The following B3GNT9 variants were observed in gnomAD, a reference collection of about 807,000 sequenced individuals.
The protein encoded by B3GNT9 is BGnT-9.
For missense variants in B3GNT9, 669 were observed against 599.2 expected (o/e 1.12, Z -1.22); for synonymous variants, 359 against 283.9 (o/e 1.26, Z -2.66).
In B3GNT9 at chr16:67,149,068, A is replaced by T; in HGVS notation, c.*209T>A. On this transcript the variant is annotated 3_prime_UTR_variant, in exon 2 of 2. Coordinates refer to ENST00000449549, the MANE Select transcript of B3GNT9 (RefSeq NM_033309.3). Reference sequence around the variant, plus strand: ...GACAAGAGATGGTCATCTACCACCCAGCCTTGGCTCGCTCAAAGGGTCACC... The same window carrying T: ...GACAAGAGATGGTCATCTACCACCCTGCCTTGGCTCGCTCAAAGGGTCACC... The T allele has an allele frequency of 9.3e-7, 1 of 1,069,614 alleles. No individual in the cohort carries two copies. Among genetic ancestry groups the T allele is most frequent in the South Asian group, 2.5e-5 (1 of 40,784 alleles). The allele number at this position is 1,069,614 out of a possible 1,614,324, so 66.3% of individuals were successfully genotyped here.
At chr16:67,150,757 G>C (rs1451726771) in intron 1 of B3GNT9, 86 bp from the exon 2 acceptor site, 1 of 347,860 alleles carries the variant, frequency 2.9e-6, no homozygotes, top group African/African-American at 2.1e-5. Context: ...GCCGGGCAGG[G>C]AGACTGGGAG....
Position 67,150,180 on chromosome 16 carries a change from C to G in B3GNT9, c.306G>C (p.Gln102His). 1 of 1,556,970 alleles carries G rather than the reference C, an allele frequency of 6.4e-7. No individual in the cohort carries two copies. The highest frequency in any genetic ancestry group is 8.7e-7 in the Non-Finnish European group (1 of 1,155,080). Residue 102 changes from glutamine (Q) to histidine (H), a missense_variant, in exon 2 of 2, where the codon CAG (glutamine) becomes CAC (histidine). By Grantham distance (24) the Gln-to-His change is conservative. Transcript: ENST00000449549. Reference sequence around the variant, plus strand: ...CGCCGTCGCCGCGGCACTTGTGCGGCTGGTTAATGAGCAGTGGAAACCGCC... The same window carrying G: ...CGCCGTCGCCGCGGCACTTGTGCGGGTGGTTAATGAGCAGTGGAAACCGCC... ...DQRRFPLLIN[Q>H]PHKCRGDGAP...
rs765477953 is a variant in B3GNT9, at chr16:67,149,936, C to T, written c.550G>A (p.Ala184Thr). The change falls in exon 2 of 2, where the codon GCC becomes ACC. Residue 184 changes from alanine (A) to threonine (T), a missense_variant. Physicochemically the swap from Ala to Thr is moderately conservative, Grantham distance 58. Transcript: ENST00000449549. ...ARTHWRALLR[A>T]ESLAYADILL... ...ATGTCCGCATACGCAAGGCTCTCGG[C>T]CCGCAGCAGGGCGCGCCAGTGGGTT... The T allele has an allele frequency of 5.0e-6, 8 of 1,588,982 alleles. No homozygotes were observed. The highest frequency in any genetic ancestry group is 1.3e-5 in the African/African-American group (1 of 74,356).
In B3GNT9 at chr16:67,149,535, G is replaced by A. The variant is rs2030367529; in HGVS notation, c.951C>T (p.Val317=). 6.2e-7 allele frequency: 1 copy of A among 1,609,118 alleles called. No individual in the cohort carries two copies. Among genetic ancestry groups the A allele is most frequent in the Non-Finnish European group, 8.5e-7 (1 of 1,178,020 alleles). The change falls in exon 2 of 2, where the codon GTC becomes GTT. Residue 317 remains valine (V), a synonymous_variant. Coordinates refer to ENST00000449549, the MANE Select transcript of B3GNT9 (RefSeq NM_033309.3). ...GGCGCTGCAGACACATGCCCAGAAA[G>A]ACGTCGTCGATGGGGAAGAGCTCGA... ...AQVELFPIDD[V]FLGMCLQRLR... is the part of the protein sequence containing the mutation.
Position 67,150,538 on chromosome 16 carries a change from G to C in B3GNT9, c.-53C>G. 2.4e-6 allele frequency: 3 copies of C among 1,247,138 alleles called. No individual in the cohort carries two copies. Among genetic ancestry groups the C allele is most frequent in the African/African-American group, 3.1e-5 (2 of 64,396 alleles). The allele number at this position is 1,247,138 out of a possible 1,614,324, so 77.3% of individuals were successfully genotyped here. On this transcript the variant is annotated 5_prime_UTR_variant, in exon 2 of 2. Coordinates refer to ENST00000449549, the MANE Select transcript of B3GNT9 (RefSeq NM_033309.3). ...CTGTAAGGGTCGCAGTCGGCAGCAG[G>C]GGGCAGCGAGCCCCGCCCTCCCCAG...
chr16:67,149,549 G>GGAA lies in B3GNT9; in HGVS notation c.934_936dup (p.Phe312dup). The GGAA allele has an allele frequency of 6.2e-7, 1 of 1,608,380 alleles. No homozygotes were observed. The highest frequency in any genetic ancestry group is 2.2e-5 in the East Asian group (1 of 44,570). On this transcript the variant is annotated inframe_insertion, in exon 2 of 2. Transcript: ENST00000449549. ...ATGCCCAGAAAGACGTCGTCGATGGGGAAGAGCTCGACCTGCGCACAGGCG... is the reference window on the plus strand; with the variant it reads ...ATGCCCAGAAAGACGTCGTCGATGGGGAAGAAGAGCTCGACCTGCGCACAGGCG...
chr16:67,149,038 T>C lies in B3GNT9; in HGVS notation c.*239A>G. 1 of 719,726 alleles carries C rather than the reference T, an allele frequency of 1.4e-6. No individual in the cohort carries two copies. Among genetic ancestry groups the C allele is most frequent in the Non-Finnish European group, 2.0e-6 (1 of 493,260 alleles). 44.6% of individuals were successfully genotyped at this position (719,726 alleles called of 1,614,324 possible). A position where few individuals can be genotyped will look rare whatever the true frequency, so the allele number is the denominator to read the frequency against. ...CAGACATATCCACTGCTCTGGGACC[T>C]GTTGGACAAGAGATGGTCATCTACC... On this transcript the variant is annotated 3_prime_UTR_variant, in exon 2 of 2. Transcript: ENST00000449549.
rs774557470 is a variant in B3GNT9, at chr16:67,150,308, C to G, written c.178G>C (p.Asp60His). The G allele has an allele frequency of 7.1e-7, 1 of 1,414,878 alleles. No individual in the cohort carries two copies. The highest frequency in any genetic ancestry group is 1.5e-5 in the African/African-American group (1 of 66,992). The allele number at this position is 1,414,878 out of a possible 1,614,324, so 87.6% of individuals were successfully genotyped here. Residue 60 changes from aspartate (D) to histidine (H), a missense_variant, in exon 2 of 2, where the codon GAC becomes CAC. Transcript: ENST00000449549. ...TAGGCCGGCGGGGCTGCACCCGCGT[C>G]GGGTAACTGGAACGCGCGGGGTCCG... ...TPGPRAFQLPDAGAAPPAYEG... is the reference protein window; with the variant it reads ...TPGPRAFQLPHAGAAPPAYEG...
chr16:67,150,189 G>T lies in B3GNT9; in HGVS notation c.297C>A (p.Leu99=). 6.4e-7 allele frequency: 1 copy of T among 1,560,994 alleles called. No individual in the cohort carries two copies. Among genetic ancestry groups the T allele is most frequent in the East Asian group, 2.5e-5 (1 of 39,234 alleles). ...RAKDQRRFPL[L]INQPHKCRGD... ...CGCGGCACTTGTGCGGCTGGTTAAT[G>T]AGCAGTGGAAACCGCCGCTGGTCCT... The change falls in exon 2 of 2, where the codon CTC becomes CTA. Residue 99 remains leucine (L), a synonymous_variant. Transcript: ENST00000449549.
At position 67,150,635 on chromosome 16, in the gene B3GNT9, C is replaced by T. The variant is rs1029247785; in HGVS notation, c.-150G>A. The T allele has an allele frequency of 1.7e-6, 1 of 572,568 alleles. No individual in the cohort carries two copies. The highest frequency in any genetic ancestry group is 2.6e-6 in the Non-Finnish European group (1 of 385,950). The allele number at this position is 572,568 out of a possible 1,614,324, so 35.5% of individuals were successfully genotyped here. A position where few individuals can be genotyped will look rare whatever the true frequency, so the allele number is the denominator to read the frequency against. On this transcript the variant is annotated 5_prime_UTR_variant, in exon 2 of 2. Coordinates refer to ENST00000449549, the MANE Select transcript of B3GNT9 (RefSeq NM_033309.3). ...CGGTTGAGCCCCTTGCGTTGTTCTC[C>T]TCCTCCCGGCCGTGTCGCACCGCCG...
At position 67,150,480 on chromosome 16, in the gene B3GNT9, C is replaced by G; in HGVS notation, c.6G>C (p.Arg2Ser). Residue 2 changes from arginine (R) to serine (S), a missense_variant, in exon 2 of 2, where the codon AGG becomes AGC. Physicochemically the swap from Arg to Ser is moderately radical, Grantham distance 110. Coordinates refer to ENST00000449549, the MANE Select transcript of B3GNT9 (RefSeq NM_033309.3). M[R>S]RRLRLRRDAL... ...CGTCCCTGCGTAGGCGCAGCCTCCT[C>G]CTCATCTCCGCGCGGCCTGCGCCCT... 7.6e-7 allele frequency: 1 copy of G among 1,311,570 alleles called. No homozygotes were observed. Among genetic ancestry groups the G allele is most frequent in the African/African-American group, 1.5e-5 (1 of 65,096 alleles). 81.2% of individuals were successfully genotyped at this position (1,311,570 alleles called of 1,614,324 possible).
rs554545950 is a variant in B3GNT9 at position 67,150,669 on chromosome 16, A to T, written c.-184T>A. Reference sequence around the variant, plus strand: ...GCCGTGTCGCACCGCCGGGACCGGCAGCCTGAAGGGACAAGAAGTTCACCC... The same window carrying T: ...GCCGTGTCGCACCGCCGGGACCGGCTGCCTGAAGGGACAAGAAGTTCACCC... On this transcript the variant is annotated splice_region_variant and 5_prime_UTR_variant, in exon 2 of 2. Transcript: ENST00000449549. 2 of 444,296 alleles carry T rather than the reference A, an allele frequency of 4.5e-6. No homozygotes were observed. Among genetic ancestry groups the T allele is most frequent in the East Asian group, 7.1e-5 (2 of 27,996 alleles). The allele number at this position is 444,296 out of a possible 1,614,324, so 27.5% of individuals were successfully genotyped here.
rs779252753 is a variant in B3GNT9, at chr16:67,149,505, C to T, written c.981G>A (p.Arg327=). Residue 327 remains arginine, a synonymous_variant, in exon 2 of 2, where the codon CGG becomes CGA. Transcript: ENST00000449549. ...VFLGMCLQRL[R]LTPEPHPAFR... ...AGGCAGGGTGAGGCTCGGGCGTGAG[C>T]CGCAGGCGCTGCAGACACATGCCCA... 7.5e-6 allele frequency: 12 copies of T among 1,608,194 alleles called. No individual in the cohort carries two copies. The highest frequency in any genetic ancestry group is 1.0e-5 in the Non-Finnish European group (12 of 1,177,668).
In B3GNT9 at chr16:67,149,022, C is replaced by T. The variant is rs534531397; in HGVS notation, c.*255G>A. On this transcript the variant is annotated 3_prime_UTR_variant, in exon 2 of 2. Transcript: ENST00000449549. Reference sequence around the variant, plus strand: ...GTGCTACTAGGAGGACCAGACATATCCACTGCTCTGGGACCTGTTGGACAA... The same window carrying T: ...GTGCTACTAGGAGGACCAGACATATTCACTGCTCTGGGACCTGTTGGACAA... 1.7e-6 allele frequency: 1 copy of T among 578,928 alleles called. No homozygotes were observed. The highest frequency in any genetic ancestry group is 3.9e-5 in the South Asian group (1 of 25,778). 35.9% of individuals were successfully genotyped at this position (578,928 alleles called of 1,614,324 possible).
At position 67,150,924 on chromosome 16, in the gene B3GNT9, G is replaced by T. The variant is rs928564113; in HGVS notation, c.-246C>A. ...CCTGGCCTCCGGGGCTCAGCGCAGG[G>T]TCCGAGGGGCCGCCATGGACCGGGC... On this transcript the variant is annotated 5_prime_UTR_variant, in exon 1 of 2. Transcript: ENST00000449549. 1.3e-5 allele frequency: 2 copies of T among 155,322 alleles called. No homozygotes were observed. The highest frequency in any genetic ancestry group is 2.8e-5 in the Non-Finnish European group (2 of 70,298). The allele number at this position is 155,322 out of a possible 1,614,324, so 9.6% of individuals were successfully genotyped here.
chr16:67,149,667 G>GATGT lies in B3GNT9; in HGVS notation c.815_818dup (p.Pro274HisfsTer88), dbSNP rs1264966914. The GATGT allele has an allele frequency of 1.2e-6, 2 of 1,607,932 alleles. No individual in the cohort carries two copies. The highest frequency in any genetic ancestry group is 1.7e-6 in the Non-Finnish European group (2 of 1,177,302). On this transcript the variant is annotated frameshift_variant, in exon 2 of 2. Transcript: ENST00000449549. LOFTEE classifies it low-confidence loss of function (END_TRUNC). ...CGGGCAGGCCGTACACGGCCTCGGG[G>GATGT]ATGTAGTACTTGCTAGCCCGCGTGC...
rs1391083213 is a variant in B3GNT9 at position 67,149,707 on chromosome 16, T to C, written c.779A>G (p.His260Arg). The C allele has an allele frequency of 1.2e-6, 2 of 1,613,218 alleles. No individual in the cohort carries two copies. Among genetic ancestry groups the C allele is most frequent in the Admixed American group, 1.7e-5 (1 of 60,000 alleles). Reference sequence around the variant, plus strand: ...AGCCCGCGTGCGGATGGGCCGCGCATGCACAATTACGTCACCAGCAAGCAG... The same window carrying C: ...AGCCCGCGTGCGGATGGGCCGCGCACGCACAATTACGTCACCAGCAAGCAG... ...QDLLAGDVIV[H>R]ARPIRTRASK... Residue 260 changes from histidine (H) to arginine (R), a missense_variant, in exon 2 of 2, where the codon CAT becomes CGT. His to Arg is a conservative substitution (Grantham distance 29). Coordinates refer to ENST00000449549, the MANE Select transcript of B3GNT9 (RefSeq NM_033309.3).
At position 67,149,212 on chromosome 16, in the gene B3GNT9, G is replaced by T. The variant is rs926109935; in HGVS notation, c.*65C>A. On this transcript the variant is annotated 3_prime_UTR_variant, in exon 2 of 2. Coordinates refer to ENST00000449549, the MANE Select transcript of B3GNT9 (RefSeq NM_033309.3). ...TGATCAGGGAAGAACCACATACACG[G>T]CAATAATCTGGGAAACCGGCTCCAT... The T allele has an allele frequency of 2.0e-6, 3 of 1,494,930 alleles. No individual in the cohort carries two copies. In the East Asian group the frequency reaches 7.0e-5, roughly 35 times the overall value. The allele number at this position is 1,494,930 out of a possible 1,614,324, so 92.6% of individuals were successfully genotyped here. A position where few individuals can be genotyped will look rare whatever the true frequency, so the allele number is the denominator to read the frequency against.
rs1461054511 is a variant in B3GNT9 at position 67,150,135 on chromosome 16, G to A, written c.351C>T (p.Asp117=). Residue 117 remains aspartate (D), a synonymous_variant, in exon 2 of 2, where the codon GAC becomes GAT. Coordinates refer to ENST00000449549, the MANE Select transcript of B3GNT9 (RefSeq NM_033309.3). ...CCACCGACTTGACAGCAATAAGCAG[G>A]TCCGGGCGGCCACCGGGTGCGCCGT... is the stretch of plus-strand genomic sequence containing the variant. ...RGDGAPGGRP[D]LLIAVKSVAE... 1.3e-6 allele frequency: 2 copies of A among 1,520,764 alleles called. No individual in the cohort carries two copies. The highest frequency in any genetic ancestry group is 2.9e-5 in the African/African-American group (2 of 69,328). 94.2% of individuals were successfully genotyped at this position (1,520,764 alleles called of 1,614,324 possible).
Sources: allele counts gnomAD v4.1 joint callset, GRCh38; gene constraint gnomAD v4.1.1; transcripts MANE v1.5; gene names NCBI Gene and HGNC (gene_info 2026-07-23, HGNC 2026-07-21).